Variants in ATP8A2 observed in about 807,000 individuals in gnomAD.
ATP8A2 encodes phospholipid-transporting ATPase IB.
In ATP8A2, 100 loss-of-function variants were observed where a neutral mutation model predicts 165.6. The observed-to-expected ratio is 0.60, with a 90% CI of 0.51 to 0.71. ATP8A2 has a LOEUF of 0.71. Ranked by LOEUF, ATP8A2 falls within the 30% of genes least tolerant of loss-of-function variation. ATP8A2 has a pLI of 0.00. For missense variants in ATP8A2, 1,227 were observed against 1,479.5 expected (o/e 0.83, Z 2.80); for synonymous variants, 543 against 548.8 (o/e 0.99, Z 0.15).
chr13:25,656,139 C>T (rs530397348), intron 24 of ATP8A2, among the ~76,000 whole-genome samples: 1 of 152,258 alleles, frequency 6.6e-6, no homozygotes, highest in East Asian at 1.9e-4. Flanking sequence ...TGGACACCAT[C>T]AGTACTCAGG....
At chr13:25,506,282 A>G (rs2037033898) in intron 2 of ATP8A2, among the ~76,000 whole-genome samples, 1 of 152,210 alleles carries the variant, frequency 6.6e-6, no homozygotes, top group African/African-American at 2.4e-5. Flanking sequence ...TATGGATGCT[A>G]TAATGGGTAC....
intron 25 of ATP8A2, among the ~76,000 whole-genome samples, chr13:25,700,980 C>T (rs1204878030): frequency 6.6e-6 from 1 of 152,074 alleles, no homozygotes; most frequent in Non-Finnish European, 1.5e-5. Context: ...GTTTATTGGC[C>T]ATCTGTATAT....
intron 24 of ATP8A2, among the ~76,000 whole-genome samples, chr13:25,652,027 G>GA (rs2041825039): frequency 6.6e-6 from 1 of 151,780 alleles, no homozygotes; most frequent in Admixed American, 6.6e-5. Flanking sequence ...ATTTTATTCC[G>GA]ACCTATGATG....
At chr13:25,879,517 G>A (rs991411913) in intron 33 of ATP8A2, among the ~76,000 whole-genome samples, 1 of 152,178 alleles carries the variant, frequency 6.6e-6, no homozygotes, top group African/African-American at 2.4e-5. Context: ...AAGCCAAGGA[G>A]GCTACTTCGG....
At chr13:25,851,933 CTT>C (rs1952018638) in intron 30 of ATP8A2, among the ~76,000 whole-genome samples, 1 of 152,116 alleles carries the variant, frequency 6.6e-6, no homozygotes, top group African/African-American at 2.4e-5. Flanking sequence ...ACCTCAAACT[CTT>C]GGGCTCAAGC....
chr13:25,374,344 A>G (rs758450691), intron 1 of ATP8A2, among the ~76,000 whole-genome samples: 11 of 152,200 alleles, frequency 7.2e-5, no homozygotes, highest in Admixed American at 2.6e-4. Flanking sequence ...AAGAACGCCT[A>G]ATAGAGCAGG....
intron 27 of ATP8A2, among the ~76,000 whole-genome samples, chr13:25,815,315 A>G (rs911124308): frequency 1.1e-4 from 17 of 152,200 alleles, no homozygotes; most frequent in African/African-American, 2.9e-4. Context: ...TAAGAGATTA[A>G]TATCCAAAAT....
chr13:25,527,733 C>G (rs1315247052), intron 2 of ATP8A2, among the ~76,000 whole-genome samples: 1 of 152,138 alleles, frequency 6.6e-6, no homozygotes, highest in Non-Finnish European at 1.5e-5. Flanking sequence ...AGCAAGATTC[C>G]TTTCCTCCTC....
At chr13:25,566,260 T>C (rs551276562) in intron 16 of ATP8A2, among the ~76,000 whole-genome samples, 2 of 152,112 alleles carry the variant, frequency 1.3e-5, no homozygotes, top group Admixed American at 1.3e-4. Context: ...TATGTTCTGT[T>C]TCAGTCACAG....
chr13:25,980,207 C>T (rs1311885708), intron 35 of ATP8A2, among the ~76,000 whole-genome samples: 4 of 152,126 alleles, frequency 2.6e-5, no homozygotes, highest in African/African-American at 9.7e-5. Context: ...GCAGGTCTTA[C>T]GGCCTCCTCT....
chr13:25,378,311 G>C (rs1045636924), intron 1 of ATP8A2, among the ~76,000 whole-genome samples: 2 of 151,548 alleles, frequency 1.3e-5, no homozygotes, highest in Non-Finnish European at 2.9e-5. Flanking sequence ...GCTAAAAAGT[G>C]ATCTAATCCT....
chr13:25,925,047 T>C (rs1421271582), intron 33 of ATP8A2, among the ~76,000 whole-genome samples: 3 of 152,182 alleles, frequency 2.0e-5, no homozygotes, highest in Non-Finnish European at 4.4e-5. Context: ...AACAGACTAA[T>C]GCTAGGTGTT....
At chr13:25,595,515 G>T (rs1055617288) in intron 24 of ATP8A2, among the ~76,000 whole-genome samples, 2 of 152,114 alleles carry the variant, frequency 1.3e-5, no homozygotes, top group African/African-American at 4.8e-5. Flanking sequence ...TCTTGCCCTG[G>T]TTCCTCAGCC....
At chr13:25,887,780 ACTT>A (rs1251403706) in intron 33 of ATP8A2, among the ~76,000 whole-genome samples, 1 of 151,688 alleles carries the variant, frequency 6.6e-6, no homozygotes, top group Non-Finnish European at 1.5e-5. Flanking sequence ...GCTTTTAATC[ACTT>A]CTTATTAAGT....
intron 33 of ATP8A2, among the ~76,000 whole-genome samples, chr13:25,935,760 G>A (rs1954868729): frequency 6.6e-6 from 1 of 152,262 alleles, no homozygotes; most frequent in East Asian, 1.9e-4. Context: ...CCTCCCATGA[G>A]ACCCCACCTT....
chr13:25,906,860 A>G (rs759383673), intron 33 of ATP8A2, among the ~76,000 whole-genome samples: 1 of 152,190 alleles, frequency 6.6e-6, no homozygotes, highest in African/African-American at 2.4e-5. Flanking sequence ...GATCCTTAAT[A>G]AGTATGTTTT....
At chr13:25,638,459 T>C (rs973686546) in intron 24 of ATP8A2, among the ~76,000 whole-genome samples, 4 of 152,144 alleles carry the variant, frequency 2.6e-5, no homozygotes, top group Admixed American at 2.6e-4. Context: ...ATGTGACGAA[T>C]GTACAAGCTT....
At chr13:25,883,105 G>C (rs1039655627) in intron 33 of ATP8A2, among the ~76,000 whole-genome samples, 1 of 152,192 alleles carries the variant, frequency 6.6e-6, no homozygotes, top group African/African-American at 2.4e-5. Context: ...CACACAGCCA[G>C]GAGTGGGGCT....
chr13:25,582,015 T>G, intron 23 of ATP8A2, 58 bp downstream of exon 23: 1 of 1,473,078 alleles, frequency 6.8e-7, no homozygotes, highest in South Asian at 1.2e-5. Flanking sequence ...TTTTCAAGTA[T>G]CTTTTAAATG....
Sources: gnomAD v4.1 joint callset for allele counts (sites outside exome capture counted in the v4.1 genomes callset) on GRCh38, gnomAD v4.1.1 for gene constraint, MANE v1.5 for transcripts, NCBI Gene and HGNC (gene_info 2026-07-23, HGNC 2026-07-21) for gene names.